AMZ1: variants seen among roughly 807,000 people sequenced by gnomAD.
AMZ1 encodes archaemetzincin-1.
In AMZ1, 39 loss-of-function variants were observed where a neutral mutation model predicts 29.9. The ratio of observed to expected loss-of-function variants is 1.30; its 90% CI spans 1.01 to 1.70. AMZ1 has a LOEUF of 1.70. AMZ1 is among the 40% of genes most tolerant of loss of function. The pLI is 0.00. For synonymous variants in AMZ1, 458 were observed against 304.0 expected (o/e 1.51, Z -5.27); for missense variants, 1,041 against 680.6 (o/e 1.53, Z -5.89).
upstream of AMZ1, chr7:2,760,435 C>T (rs17132655): frequency 0.025 from 3,743 of 152,538 alleles, 112 homozygotes; most frequent in Middle Eastern, 0.075. Context: ...TGGTCTTTCC[C>T]GGACGCTGTG....
At chr7:2,749,637 T>C (rs1790930542) in intron 4 of AMZ1, among the ~76,000 whole-genome samples, 1 of 151,900 alleles carries the variant, frequency 6.6e-6, no homozygotes, top group Admixed American at 6.6e-5. Context: ...GTTGTGCACA[T>C]GTACCCTAGA....
Position 2,716,817 on chromosome 7 carries a change from A to G in AMZ1, c.*3939A>G, listed in dbSNP as rs1789149422. On this transcript the variant is annotated 3_prime_UTR_variant, in exon 7 of 7. Coordinates refer to ENST00000683327, the MANE Select transcript of AMZ1 (RefSeq NM_001384743.1). ...TTTTTTACATCATCATCGAGTCTCGAAATGACCTGTAAGGCAGATGGCTGC... is the reference window on the plus strand; with the variant it reads ...TTTTTTACATCATCATCGAGTCTCGGAATGACCTGTAAGGCAGATGGCTGC... 6.6e-6 allele frequency among the ~76,000 whole-genome samples: 1 copy of G among 152,182 alleles called. No homozygotes were observed. Among genetic ancestry groups the G allele is most frequent in the Non-Finnish European group, 1.5e-5 (1 of 68,022 alleles).
chr7:2,747,737 GT>G (rs1425028672), intron 4 of AMZ1, among the ~76,000 whole-genome samples: 2 of 152,158 alleles, frequency 1.3e-5, no homozygotes, highest in Non-Finnish European at 2.9e-5. Context: ...AATTGTCCCT[GT>G]TTGCAGACGA....
chr7:2,710,531 C>T (rs759712550), intron 6 of AMZ1, among the ~76,000 whole-genome samples: 6 of 152,316 alleles, frequency 3.9e-5, no homozygotes, highest in Middle Eastern at 3.4e-3. Flanking sequence ...GTTCCCGGAC[C>T]GAGCCTGTCA....
intron 6 of AMZ1, among the ~76,000 whole-genome samples, chr7:2,711,028 A>G (rs1179118131): frequency 6.6e-6 from 1 of 152,064 alleles, no homozygotes; most frequent in Non-Finnish European, 1.5e-5. Flanking sequence ...GAACTTTTAG[A>G]AAGTGTATGC....
chr7:2,748,458 T>C (rs1326917991), intron 4 of AMZ1, among the ~76,000 whole-genome samples: 10 of 152,250 alleles, frequency 6.6e-5, no homozygotes, highest in Admixed American at 4.6e-4. Flanking sequence ...GCTAGCCATA[T>C]GTAGAAAGCT....
chr7:2,702,142 G>C (rs1287424830), intron 2 of AMZ1: 1 of 152,900 alleles, frequency 6.5e-6, no homozygotes, highest in Non-Finnish European at 1.5e-5. Context: ...CTCCTGACCT[G>C]TGATCTGGTG....
chr7:2,712,564 C>A lies in AMZ1; in HGVS notation c.1183C>A (p.Leu395Met), dbSNP rs1788860621. 6.2e-7 allele frequency: 1 copy of A among 1,610,738 alleles called. No individual in the cohort carries two copies. The highest frequency in any genetic ancestry group is 2.2e-5 in the East Asian group (1 of 44,822). ...LSYLAASEAP[L>M]PPGGPAEAIK... Reference sequence around the variant, plus strand: ...CTACCTGGCAGCCTCAGAGGCTCCGCTGCCACCTGGGGGCCCTGCGGAGGC... The same window carrying A: ...CTACCTGGCAGCCTCAGAGGCTCCGATGCCACCTGGGGGCCCTGCGGAGGC... The change falls in exon 7 of 7, where the codon CTG becomes ATG. Residue 395 changes from leucine (L) to methionine (M), a missense_variant. Coordinates refer to ENST00000683327, the MANE Select transcript of AMZ1 (RefSeq NM_001384743.1).
At chr7:2,708,863 C>T in intron 4 of AMZ1, 147 bp downstream of exon 4, 2 of 1,366,006 alleles carry the variant, frequency 1.5e-6, no homozygotes, top group Non-Finnish European at 2.0e-6. Context: ...ATGGCCCCTT[C>T]CAGCTCCTCC....
chr7:2,727,453 G>A (rs1789670138), intron 4 of AMZ1, among the ~76,000 whole-genome samples: 1 of 152,096 alleles, frequency 6.6e-6, no homozygotes, highest in African/African-American at 2.4e-5. Context: ...GCAGCTCGCT[G>A]TAGCCTCAAG....
chr7:2,762,836 G>C (rs1416873901), upstream of AMZ1: 2 of 1,494,930 alleles, frequency 1.3e-6, no homozygotes, highest in South Asian at 2.6e-5. Context: ...CACCCAGTCA[G>C]CGCGGCTCCG....
chr7:2,722,572 G>A (rs1281879808), downstream of AMZ1, among the ~76,000 whole-genome samples: 1 of 152,158 alleles, frequency 6.6e-6, no homozygotes, highest in Non-Finnish European at 1.5e-5. Flanking sequence ...TGCCCAGCCA[G>A]GACATTTTGA....
At position 2,692,551 on chromosome 7, in the gene AMZ1, AAAAT is replaced by A. The variant is rs1787465102; in HGVS notation, c.-219+4263_-219+4266del. ...AGTGAGGCTCCATCTCAAAAAATAA[AAAAT>A]AAATAAAGAGGACCAAGCTCATGCC... On this transcript the variant is annotated intron_variant, in intron 1 of 6. Coordinates refer to ENST00000683327, the MANE Select transcript of AMZ1 (RefSeq NM_001384743.1). 3.3e-5 allele frequency among the ~76,000 whole-genome samples: 5 copies of A among 152,156 alleles called. No homozygotes were observed. In the South Asian group the frequency reaches 8.3e-4, roughly 25 times the overall value.
intron 4 of AMZ1, among the ~76,000 whole-genome samples, chr7:2,752,423 G>C (rs1330871846): frequency 2.0e-5 from 3 of 152,130 alleles, no homozygotes; most frequent in Non-Finnish European, 2.9e-5. Flanking sequence ...TCAATGCTAA[G>C]TTAGAAAGAC....
intron 4 of AMZ1, among the ~76,000 whole-genome samples, chr7:2,739,520 G>C (rs1322993948): frequency 6.6e-6 from 1 of 152,130 alleles, no homozygotes; most frequent in Non-Finnish European, 1.5e-5. Flanking sequence ...ATGGATATGT[G>C]GTTTGTTTTT....
chr7:2,736,853 T>G (rs1790207188), intron 4 of AMZ1, among the ~76,000 whole-genome samples: 1 of 152,238 alleles, frequency 6.6e-6, no homozygotes, highest in Non-Finnish European at 1.5e-5. Context: ...CACAGACCCC[T>G]GCTGGCCTCA....
At chr7:2,700,889 G>C (rs1279321965) in intron 2 of AMZ1, 134 bp downstream of exon 2, 6 of 1,261,190 alleles carry the variant, frequency 4.8e-6, no homozygotes, top group Non-Finnish European at 6.4e-6. Flanking sequence ...TGGGATGCCA[G>C]GGTGGAGGCA....
At chr7:2,702,035 C>T (rs1458808995) in intron 2 of AMZ1, 1 of 152,470 alleles carries the variant, frequency 6.6e-6, no homozygotes, top group Non-Finnish European at 1.5e-5. Flanking sequence ...GCATTTCCCT[C>T]CTTTCCTGGG....
chr7:2,685,881 C>G (rs1001797045), upstream of AMZ1, among the ~76,000 whole-genome samples: 1 of 141,130 alleles, frequency 7.1e-6, no homozygotes, highest in African/African-American at 2.7e-5. Flanking sequence ...AAAAAAAGAA[C>G]ATTCATCTTT....
Sources: gnomAD v4.1 joint callset for allele counts (sites outside exome capture counted in the v4.1 genomes callset) on GRCh38, gnomAD v4.1.1 for gene constraint, MANE v1.5 for transcripts, NCBI Gene and HGNC (gene_info 2026-07-23, HGNC 2026-07-21) for gene names.